Variants in SULT1E1 observed in about 807,000 individuals in gnomAD.
The protein encoded by SULT1E1 is sulfotransferase 1E1.
Under a neutral mutation model 33.6 loss-of-function variants are expected in SULT1E1, and 36 were observed. The ratio of observed to expected loss-of-function variants is 1.07; its 90% CI spans 0.82 to 1.41. The LOEUF (loss-of-function observed/expected upper bound fraction) is 1.41. Ranked by LOEUF, SULT1E1 falls within the 40% of genes most tolerant of loss-of-function variation. SULT1E1 has a pLI of 0.00. For synonymous variants in SULT1E1, 121 were observed against 111.7 expected (o/e 1.08, Z -0.53); for missense variants, 371 against 345.7 (o/e 1.07, Z -0.58).
chr4:69,855,435 A>G lies in SULT1E1; in HGVS notation c.146-9T>C, dbSNP rs1560557923. ...ACTAACCCAGGTTGTACCTGTAAAAATTAAATAAACCTGAGTCTCCTGCTG... is the reference window on the plus strand; with the variant it reads ...ACTAACCCAGGTTGTACCTGTAAAAGTTAAATAAACCTGAGTCTCCTGCTG... On this transcript the variant is annotated splice_polypyrimidine_tract_variant and intron_variant, in intron 2 of 7. Coordinates refer to ENST00000226444, the MANE Select transcript of SULT1E1 (RefSeq NM_005420.3). 6.2e-7 allele frequency: 1 copy of G among 1,604,918 alleles called. No homozygotes were observed.
downstream of SULT1E1, among the ~76,000 whole-genome samples, chr4:69,836,921 A>G (rs574997291): frequency 6.6e-6 from 1 of 152,312 alleles, no homozygotes; most frequent in East Asian, 1.9e-4. Context: ...TAAAATAACA[A>G]GTAGGTCAGG....
At position 69,843,564 on chromosome 4, in the gene SULT1E1, G is replaced by A. The variant is rs114116785; in HGVS notation, c.772+597C>T. Among the ~76,000 whole-genome samples the A allele has an allele frequency of 6.0e-3, 913 of 152,200 alleles. 9 individuals carry two copies. The highest frequency in any genetic ancestry group is 0.021 in the African/African-American group (876 of 41,504). On this transcript the variant is annotated intron_variant, in intron 7 of 7. Transcript: ENST00000226444. Reference sequence around the variant, plus strand: ...CATATATAAATAGACTGGTGTCCCAGTGCTCTGAATATCTGAATATCTTAC... The same window carrying A: ...CATATATAAATAGACTGGTGTCCCAATGCTCTGAATATCTGAATATCTTAC...
intron 1 of SULT1E1, among the ~76,000 whole-genome samples, chr4:69,859,404 A>G (rs1158527376): frequency 1.3e-5 from 2 of 152,006 alleles, no homozygotes; most frequent in African/African-American, 4.8e-5. Flanking sequence ...CATAGTCCCT[A>G]CTTTCTTAGA....
the SULT1E1 span, among the ~76,000 whole-genome samples, chr4:69,829,630 G>C: frequency 9.3e-4 from 141 of 152,292 alleles, 1 homozygote; most frequent in African/African-American, 3.2e-3. Flanking sequence ...ATCTGTGCCT[G>C]CAGGTTTTGA....
chr4:69,833,471 A>G, the SULT1E1 span, among the ~76,000 whole-genome samples: 4 of 152,208 alleles, frequency 2.6e-5, no homozygotes, highest in Non-Finnish European at 5.9e-5. Flanking sequence ...TTGCTAAGGA[A>G]CTTACTGTCT....
chr4:69,857,714 C>T, intron 1 of SULT1E1, 61 bp from the exon 2 acceptor site: 1 of 1,491,556 alleles, frequency 6.7e-7, no homozygotes. Context: ...CCATTAACAA[C>T]TATGTATATA....
At chr4:69,835,134 C>G in the SULT1E1 span, among the ~76,000 whole-genome samples, 1 of 152,222 alleles carries the variant, frequency 6.6e-6, no homozygotes, top group South Asian at 2.1e-4. Flanking sequence ...ATATTTTTCC[C>G]TCTGCCCAGA....
intron 4 of SULT1E1, among the ~76,000 whole-genome samples, chr4:69,851,007 C>A (rs1721090596): frequency 6.6e-6 from 1 of 152,100 alleles, no homozygotes; most frequent in African/African-American, 2.4e-5. Flanking sequence ...CCCAATGATT[C>A]ACTTGTGATT....
chr4:69,835,974 A>G, the SULT1E1 span, among the ~76,000 whole-genome samples: 1 of 152,168 alleles, frequency 6.6e-6, no homozygotes, highest in African/African-American at 2.4e-5. Flanking sequence ...GATTCTTCAT[A>G]GAATCATTGC....
At chr4:69,835,319 G>T in the SULT1E1 span, among the ~76,000 whole-genome samples, 1 of 152,144 alleles carries the variant, frequency 6.6e-6, no homozygotes, top group African/African-American at 2.4e-5. Flanking sequence ...AATTTATGTG[G>T]CATTACATTA....
intron 4 of SULT1E1, among the ~76,000 whole-genome samples, chr4:69,853,494 A>G (rs1161070516): frequency 6.6e-6 from 1 of 152,134 alleles, no homozygotes; most frequent in African/African-American, 2.4e-5. Context: ...ATGCCCCCTC[A>G]GATCATCTCT....
chr4:69,822,645 G>T, the SULT1E1 span, among the ~76,000 whole-genome samples: 1 of 152,100 alleles, frequency 6.6e-6, no homozygotes. Context: ...TGTACTGCAA[G>T]ATTTTTACTA....
chr4:69,843,707 A>G (rs779801265), intron 7 of SULT1E1, among the ~76,000 whole-genome samples: 1 of 152,094 alleles, frequency 6.6e-6, no homozygotes, highest in African/African-American at 2.4e-5. Context: ...TTGAATTTCT[A>G]TTTTTTGCCA....
At chr4:69,840,549 T>C (rs1720862081), downstream of SULT1E1, among the ~76,000 whole-genome samples, 1 of 152,234 alleles carries the variant, frequency 6.6e-6, no homozygotes, top group African/African-American at 2.4e-5. Flanking sequence ...AAATATCTTA[T>C]TCTTTAAAAC....
intron 4 of SULT1E1, among the ~76,000 whole-genome samples, chr4:69,853,627 C>T (rs1209894821): frequency 6.6e-6 from 1 of 152,082 alleles, no homozygotes; most frequent in East Asian, 1.9e-4. Context: ...TACTTTTTGT[C>T]TTGTCTGTTA....
chr4:69,823,127 T>A, the SULT1E1 span, among the ~76,000 whole-genome samples: 1 of 152,130 alleles, frequency 6.6e-6, no homozygotes, highest in Non-Finnish European at 1.5e-5. Context: ...AGACTCAACG[T>A]CCAAAGACTG....
In SULT1E1 at chr4:69,844,357, G is replaced by A. The variant is rs991041285; in HGVS notation, c.592-16C>T. On this transcript the variant is annotated splice_polypyrimidine_tract_variant and intron_variant, in intron 6 of 7. Coordinates refer to ENST00000226444, the MANE Select transcript of SULT1E1 (RefSeq NM_005420.3). ...TTCTGATATCCTAGGGAGAGAAAAT[G>A]TTTTGAGAACTAAATTGCTAAAACT... 1.3e-6 allele frequency: 2 copies of A among 1,578,922 alleles called. No individual in the cohort carries two copies. Among genetic ancestry groups the A allele is most frequent in the Non-Finnish European group, 1.7e-6 (2 of 1,160,472 alleles).
At chr4:69,826,549 T>C in the SULT1E1 span, among the ~76,000 whole-genome samples, 2 of 151,970 alleles carry the variant, frequency 1.3e-5, no homozygotes, top group East Asian at 1.9e-4. Flanking sequence ...AAACCACAGG[T>C]GGTTTTTTCT....
intron 2 of SULT1E1, among the ~76,000 whole-genome samples, chr4:69,855,797 A>G (rs1158551770): frequency 6.6e-6 from 1 of 152,180 alleles, no homozygotes; most frequent in African/African-American, 2.4e-5. Flanking sequence ...ATTATGTCTC[A>G]TGTTGGGTCC....
Sources: allele counts gnomAD v4.1 joint callset (sites outside exome capture counted in the v4.1 genomes callset), GRCh38; gene constraint gnomAD v4.1.1; transcripts MANE v1.5; gene names NCBI Gene and HGNC (gene_info 2026-07-23, HGNC 2026-07-21).